The following NOS1AP variants were observed in gnomAD, a reference collection of about 807,000 sequenced individuals.
The protein encoded by NOS1AP is nitric oxide synthase 1 adaptor protein.
Under a neutral mutation model 56.2 loss-of-function variants are expected in NOS1AP, and 21 were observed. That is an observed-to-expected ratio of 0.37 (90% confidence interval 0.26 to 0.54). The LOEUF (loss-of-function observed/expected upper bound fraction) is 0.54. Ranked by LOEUF, NOS1AP falls within the 20% of genes least tolerant of loss-of-function variation. The probability of loss-of-function intolerance (pLI) is 0.84; values close to 1 mark genes in which losing one functional copy is unlikely to be tolerated. For synonymous variants in NOS1AP, 270 were observed against 274.6 expected, an observed-to-expected ratio of 0.98 and a Z score of 0.17; for missense variants, 522 against 657.8, an observed-to-expected ratio of 0.79 and a Z score of 2.26.
chr1:162,311,042 A>C, intron 4 of NOS1AP, among the ~76,000 whole-genome samples: 1 of 151,814 alleles, frequency 6.6e-6, no homozygotes, highest in Non-Finnish European at 1.5e-5. Context: ...TGCTAACACC[A>C]CCCAAGAGCC....
chr1:162,155,157 CA>C (rs1178288430), intron 2 of NOS1AP, among the ~76,000 whole-genome samples: 1 of 151,142 alleles, frequency 6.6e-6, no homozygotes, highest in Non-Finnish European at 1.5e-5. Context: ...AGCTAGTTAA[CA>C]AAATGGTTTG....
At chr1:162,225,887 T>C (rs1285718397) in intron 2 of NOS1AP, among the ~76,000 whole-genome samples, 1 of 152,106 alleles carries the variant, frequency 6.6e-6, no homozygotes, top group East Asian at 1.9e-4. Context: ...TCAAATTATT[T>C]ATTTTTCATA....
In NOS1AP at chr1:162,365,551, C is replaced by T. The variant is rs570831625; in HGVS notation, c.1087C>T (p.Leu363=). 32 of 1,612,518 alleles carry T rather than the reference C, an allele frequency of 2.0e-5. No homozygotes were observed. The South Asian group carries it at 3.2e-4, about 16-fold the overall frequency. ...GCAGGTGCAAGAGCTGGAACTGAAG[C>T]TGTCAGGACAGAACGCCAGTAAGCC... ...VKQVQELELK[L]SGQNAMGSQD... The change falls in exon 9 of 10, where the codon CTG becomes TTG. Residue 363 remains leucine, a synonymous_variant. Coordinates refer to ENST00000361897, the MANE Select transcript of NOS1AP (RefSeq NM_014697.3).
chr1:162,247,634 C>T (rs941521269), intron 2 of NOS1AP, among the ~76,000 whole-genome samples: 2 of 152,118 alleles, frequency 1.3e-5, no homozygotes, highest in Non-Finnish European at 2.9e-5. Flanking sequence ...GCTTTCAGAA[C>T]TCCCATTTCT....
chr1:162,289,264 CCTTCCTTCCTTCCTTT>C (rs1269599113), intron 3 of NOS1AP, among the ~76,000 whole-genome samples: 2,409 of 68,130 alleles, frequency 0.035, 147 homozygotes, highest in Middle Eastern at 0.062. Flanking sequence ...TTCCTTCCTT[CCTTCCTTCCTTCCTTT>C]CCTTCCTTCC....
intron 1 of NOS1AP, among the ~76,000 whole-genome samples, chr1:162,139,219 G>C (rs1461406362): frequency 6.6e-6 from 1 of 152,090 alleles, no homozygotes. Context: ...GGGATGAGGT[G>C]GTTGAAGACC....
chr1:162,277,739 A>G (rs1654787622), intron 2 of NOS1AP, among the ~76,000 whole-genome samples: 1 of 152,210 alleles, frequency 6.6e-6, no homozygotes, highest in African/African-American at 2.4e-5. Flanking sequence ...AATGTATAAC[A>G]CATTCTTGTG....
In NOS1AP at chr1:162,197,324, T is replaced by C. The variant is rs201353080; in HGVS notation, c.177+42848T>C. ...TTTTGTGTGGCCATGCTTAATTGCA[T>C]GATGGTGTGTTTTTCCCTTGAATTT... On this transcript the variant is annotated intron_variant, in intron 2 of 9. Coordinates refer to ENST00000361897, the MANE Select transcript of NOS1AP (RefSeq NM_014697.3). 7.3e-4 allele frequency among the ~76,000 whole-genome samples: 111 copies of C among 152,272 alleles called. 2 individuals are homozygous for C. Among genetic ancestry groups the C allele is most frequent in the East Asian group, 4.4e-3 (23 of 5,174 alleles).
rs565059286 is a variant in NOS1AP at position 162,188,649 on chromosome 1, C to G, written c.177+34173C>G. On this transcript the variant is annotated intron_variant, in intron 2 of 9. Coordinates refer to ENST00000361897, the MANE Select transcript of NOS1AP (RefSeq NM_014697.3). This position sits in a 1 kb window ranked among gnomAD's most constrained non-coding sequence, Gnocchi z 4.0. ...GTGACAGAGGTGCTTTGAATGTGGG[C>G]TGCATGTGTAGTGGTCTTATGTGCC... is the stretch of plus-strand genomic sequence containing the variant. Among the ~76,000 whole-genome samples, 1 of 152,300 alleles carries G rather than the reference C, an allele frequency of 6.6e-6. No individual in the cohort carries two copies. The highest frequency in any genetic ancestry group is 2.1e-4 in the South Asian group (1 of 4,828).
chr1:162,211,997 G>A (rs1652363945), intron 2 of NOS1AP, among the ~76,000 whole-genome samples: 1 of 152,230 alleles, frequency 6.6e-6, no homozygotes, highest in South Asian at 2.1e-4. Flanking sequence ...ACTACTTAGT[G>A]ACAGAATCAG....
intron 1 of NOS1AP, among the ~76,000 whole-genome samples, chr1:162,102,865 AT>A (rs1352484184): frequency 1.3e-5 from 2 of 151,112 alleles, no homozygotes; most frequent in East Asian, 3.9e-4. Context: ...TATTTTATTA[AT>A]TTTTTCAAAA....
chr1:162,201,980 G>T (rs1354540792), intron 2 of NOS1AP, among the ~76,000 whole-genome samples: 2 of 152,196 alleles, frequency 1.3e-5, no homozygotes, highest in Non-Finnish European at 2.9e-5. Context: ...TCAGAGGAGA[G>T]TTGGAAAGCC....
chr1:162,194,140 C>T (rs554099598), intron 2 of NOS1AP, among the ~76,000 whole-genome samples: 14 of 152,286 alleles, frequency 9.2e-5, no homozygotes, highest in East Asian at 7.7e-4. Flanking sequence ...CTCCTCTTTT[C>T]GTCTCCATCT....
intron 2 of NOS1AP, among the ~76,000 whole-genome samples, chr1:162,234,600 C>T (rs912471502): frequency 6.6e-6 from 1 of 152,140 alleles, no homozygotes; most frequent in Non-Finnish European, 1.5e-5. Context: ...GTGTCCTGTG[C>T]CACTTTGTGT....
intron 1 of NOS1AP, among the ~76,000 whole-genome samples, chr1:162,121,344 C>T (rs1440588688): frequency 2.6e-5 from 4 of 151,914 alleles, no homozygotes; most frequent in Admixed American, 2.0e-4. Flanking sequence ...GTCTCGAACT[C>T]CTGACCTCAA....
chr1:162,270,673 A>T (rs1297638431), intron 2 of NOS1AP, among the ~76,000 whole-genome samples: 2 of 152,242 alleles, frequency 1.3e-5, no homozygotes, highest in Non-Finnish European at 2.9e-5. Context: ...TCTCTTCAGG[A>T]TAGACAGTGA....
intron 2 of NOS1AP, among the ~76,000 whole-genome samples, chr1:162,204,413 G>T (rs1652097035): frequency 1.3e-5 from 2 of 152,186 alleles, no homozygotes; most frequent in Non-Finnish European, 2.9e-5. Context: ...AGTCACTGAT[G>T]GTGGAGTGAA....
chr1:162,154,264 C>A, intron 1 of NOS1AP, 141 bp from the exon 2 acceptor site: 1 of 710,146 alleles, frequency 1.4e-6, no homozygotes, highest in Non-Finnish European at 2.5e-6. Context: ...GAAACAGACT[C>A]AAAACAAAAC....
At chr1:162,358,180 T>C (rs1226188627) in intron 8 of NOS1AP, among the ~76,000 whole-genome samples, 3 of 152,214 alleles carry the variant, frequency 2.0e-5, no homozygotes, top group African/African-American at 4.8e-5. Flanking sequence ...CTCTCTGTTA[T>C]GTCTTCTGCT....
Sources: allele counts gnomAD v4.1 joint callset (sites outside exome capture counted in the v4.1 genomes callset), GRCh38; gene constraint gnomAD v4.1.1; non-coding constraint Gnocchi (gnomAD v3.1); transcripts MANE v1.5; gene names NCBI Gene and HGNC (gene_info 2026-07-23, HGNC 2026-07-21).